CRYBG3: variants seen among roughly 807,000 people sequenced by gnomAD.
CRYBG3 encodes the protein crystallin beta-gamma domain containing 3.
Under a neutral mutation model 244.2 loss-of-function variants are expected in CRYBG3, and 127 were observed. The observed-to-expected ratio is 0.52, with a 90% CI of 0.45 to 0.60. The LOEUF is 0.60. Ranked by LOEUF, CRYBG3 falls within the 20% of genes least tolerant of loss-of-function variation. CRYBG3 has a pLI of 0.00. For synonymous variants in CRYBG3, 1,132 were observed against 1,195.8 expected, an observed-to-expected ratio of 0.95 and a Z score of 1.10; for missense variants, 3,325 against 3,442.5, an observed-to-expected ratio of 0.97 and a Z score of 0.85.
intron 7 of CRYBG3, 57 bp downstream of exon 7, chr3:97,881,276 C>G: frequency 8.1e-7 from 1 of 1,239,216 alleles, no homozygotes; most frequent in Non-Finnish European, 1.1e-6. Flanking sequence ...TATAGTAAAC[C>G]TGTGCTGTGG....
At chr3:97,933,913 T>C (rs1291724650) in intron 18 of CRYBG3, 80 bp downstream of exon 18, 2 of 1,243,088 alleles carry the variant, frequency 1.6e-6, no homozygotes, top group African/African-American at 1.5e-5. Context: ...AAGTCCACTG[T>C]GTAGTAGTAC....
In CRYBG3 at chr3:97,874,621, G is replaced by T; in HGVS notation, c.3427G>T (p.Ala1143Ser). 1 of 1,536,024 alleles carries T rather than the reference G, an allele frequency of 6.5e-7. No individual in the cohort carries two copies. Among genetic ancestry groups the T allele is most frequent in the Non-Finnish European group, 8.7e-7 (1 of 1,146,860 alleles). ...TGKISIDFPTAAQFDNLVEAE... is the reference protein window; with the variant it reads ...TGKISIDFPTSAQFDNLVEAE... ...GAAGATATCCATTGATTTCCCAACT[G>T]CTGCCCAATTTGACAATCTCGTGGA... The change falls in exon 4 of 22, where the codon GCT becomes TCT. Residue 1143 changes from alanine to serine, a missense_variant. Ala to Ser is a moderately conservative substitution (Grantham distance 99). This residue lies in a region of CRYBG3 where 1,526 missense variants were observed against 1,443.2 expected (regional missense o/e 1.06). Transcript: ENST00000389622.
chr3:97,853,206 T>C (rs1426934554), intron 2 of CRYBG3, among the ~76,000 whole-genome samples: 1 of 146,768 alleles, frequency 6.8e-6, no homozygotes, highest in Non-Finnish European at 1.5e-5. Flanking sequence ...TTTATCATTC[T>C]TATGCCTTTG....
Position 97,864,399 on chromosome 3 carries a change from G to A in CRYBG3, c.399G>A (p.Gly133=). The A allele has an allele frequency of 6.5e-7, 1 of 1,535,856 alleles. No homozygotes were observed. The highest frequency in any genetic ancestry group is 8.7e-7 in the Non-Finnish European group (1 of 1,146,786). The change falls in exon 3 of 22, where the codon GGG becomes GGA. Residue 133 remains glycine (G), a synonymous_variant. Coordinates refer to ENST00000389622, the MANE Select transcript of CRYBG3 (RefSeq NM_153605.4). ...TTGGTAACTTATTCAATATCTCGGG[G>A]AAATCATCTCTAGGTGAAGCTAAGC... The part of the protein sequence containing the change: ...QFLGNLFNIS[G]KSSLGEAKQS...
At chr3:97,882,417 G>A (rs1013612481) in intron 7 of CRYBG3, among the ~76,000 whole-genome samples, 6 of 151,888 alleles carry the variant, frequency 4.0e-5, no homozygotes, top group African/African-American at 1.5e-4. Flanking sequence ...AGGGAGGATT[G>A]GAATAGGAAG....
chr3:97,832,327 G>A (rs541211882), intron 1 of CRYBG3, among the ~76,000 whole-genome samples: 2 of 150,378 alleles, frequency 1.3e-5, no homozygotes, highest in Non-Finnish European at 2.9e-5. Flanking sequence ...CATATTAGAA[G>A]GCTACAGTAA....
At chr3:97,923,933 G>A (rs940189554) in intron 17 of CRYBG3, among the ~76,000 whole-genome samples, 4 of 152,050 alleles carry the variant, frequency 2.6e-5, no homozygotes, top group African/African-American at 9.7e-5. Flanking sequence ...TAGAGGTGGG[G>A]AGTAAAACAT....
intron 4 of CRYBG3, among the ~76,000 whole-genome samples, chr3:97,878,526 G>T (rs1167636046): frequency 6.6e-6 from 1 of 152,086 alleles, no homozygotes; most frequent in Non-Finnish European, 1.5e-5. Flanking sequence ...ATTTTAGCTG[G>T]ACTACTTAGA....
chr3:97,823,895 AT>A (rs1275053127), intron 1 of CRYBG3, among the ~76,000 whole-genome samples: 1 of 152,010 alleles, frequency 6.6e-6, no homozygotes, highest in Non-Finnish European at 1.5e-5. Flanking sequence ...CTCAATTCTA[AT>A]TTCTTTACTG....
chr3:97,938,979 A>G (rs985751215), intron 19 of CRYBG3, among the ~76,000 whole-genome samples: 1 of 151,958 alleles, frequency 6.6e-6, no homozygotes, highest in Non-Finnish European at 1.5e-5. Context: ...AGAAAAAGCA[A>G]AGTAGAGATA....
At position 97,877,970 on chromosome 3, in the gene CRYBG3, T is replaced by A; in HGVS notation, c.6776T>A (p.Phe2259Tyr). The A allele has an allele frequency of 4.3e-6, 7 of 1,614,138 alleles. No homozygotes were observed. The highest frequency in any genetic ancestry group is 2.5e-6 in the Non-Finnish European group (3 of 1,179,998). Residue 2259 changes from phenylalanine (F) to tyrosine (Y), a missense_variant, in exon 4 of 22, where the codon TTT becomes TAT. Coordinates refer to ENST00000389622, the MANE Select transcript of CRYBG3 (RefSeq NM_153605.4). The part of the protein sequence containing the change: ...SEKGARFGGI[F>Y]QEPVSKYFRV... ...AAAGGAGCCAGATTTGGTGGAATTT[T>A]TCAGGAACCAGTGTCAAAATATTTC...
chr3:97,836,840 T>C (rs1225336662), intron 1 of CRYBG3: 1 of 152,140 alleles, frequency 6.6e-6, no homozygotes, highest in Non-Finnish European at 1.5e-5. Context: ...TCATACTAGT[T>C]TTGGTCTAAG....
intron 2 of CRYBG3, among the ~76,000 whole-genome samples, chr3:97,852,874 C>G (rs2039007862): frequency 6.6e-6 from 1 of 152,122 alleles, no homozygotes; most frequent in Non-Finnish European, 1.5e-5. Flanking sequence ...GCCATTCTAA[C>G]TGGGGTGTGA....
chr3:97,858,346 A>C (rs1319512822), intron 2 of CRYBG3, among the ~76,000 whole-genome samples: 1 of 151,954 alleles, frequency 6.6e-6, no homozygotes, highest in African/African-American at 2.4e-5. Context: ...TGATAGTATG[A>C]CTATAATGTG....
At chr3:97,913,747 A>G (rs2039898301) in intron 16 of CRYBG3, among the ~76,000 whole-genome samples, 1 of 152,204 alleles carries the variant, frequency 6.6e-6, no homozygotes, top group Non-Finnish European at 1.5e-5. Context: ...TGTTTGGGCT[A>G]TACACTAAGT....
chr3:97,835,121 G>A (rs76401701), intron 1 of CRYBG3, among the ~76,000 whole-genome samples: 2,342 of 151,970 alleles, frequency 0.015, 52 homozygotes, highest in African/African-American at 0.053. Context: ...ACAATAATGC[G>A]TATATTTATA....
At chr3:97,822,443 C>G (rs1465074065) in intron 1 of CRYBG3, 88 bp downstream of exon 1, 1 of 1,261,698 alleles carries the variant, frequency 7.9e-7, no homozygotes, top group Non-Finnish European at 1.0e-6. Context: ...GCGGGCCGCT[C>G]TTGGGCCAGG....
chr3:97,918,602 GAAT>G (rs2039952244), intron 17 of CRYBG3, among the ~76,000 whole-genome samples: 1 of 152,148 alleles, frequency 6.6e-6, no homozygotes, highest in African/African-American at 2.4e-5. Flanking sequence ...AGGTCAGAAG[GAAT>G]AATATCATGT....
At chr3:97,901,629 A>G (rs2039707701) in intron 15 of CRYBG3, among the ~76,000 whole-genome samples, 1 of 152,244 alleles carries the variant, frequency 6.6e-6, no homozygotes, top group Non-Finnish European at 1.5e-5. Context: ...GTATTTTTTC[A>G]CATGAATCAA....
Sources: gnomAD v4.1 joint callset for allele counts (sites outside exome capture counted in the v4.1 genomes callset) on GRCh38, gnomAD v4.1.1 for gene constraint, gnomAD v4.1.1 regional missense constraint, MANE v1.5 for transcripts, NCBI Gene and HGNC (gene_info 2026-07-23, HGNC 2026-07-21) for gene names.